Variants in LHFPL3 observed in about 807,000 individuals in gnomAD.
The protein encoded by LHFPL3 is LHFPL tetraspan subfamily member 3.
LHFPL3 carries 5 observed loss-of-function variants against 19.3 expected under a neutral mutation model. That is an observed-to-expected ratio of 0.26 (90% CI 0.14 to 0.54). LHFPL3 has a LOEUF of 0.54. LHFPL3 is among the 20% of genes least tolerant of loss of function. LHFPL3 has a pLI of 0.94. For synonymous variants in LHFPL3, 133 were observed against 126.2 expected, an observed-to-expected ratio of 1.05 and a Z score of -0.36; for missense variants, 249 against 307.4, an observed-to-expected ratio of 0.81 and a Z score of 1.42.
chr7:104,668,242 G>C (rs1298473770), intron 1 of LHFPL3: 1 of 1,612,644 alleles, frequency 6.2e-7, no homozygotes, highest in Middle Eastern at 1.9e-4. Context: ...AGTAACAGGA[G>C]AATTCGAGTG....
intron 1 of LHFPL3, among the ~76,000 whole-genome samples, chr7:104,734,789 G>A (rs901012971): frequency 3.3e-5 from 5 of 152,168 alleles, no homozygotes; most frequent in Admixed American, 6.5e-5. Context: ...AGGAGGAGAG[G>A]TGCTCTGATT....
chr7:104,436,129 T>C (rs62485093), intron 1 of LHFPL3, among the ~76,000 whole-genome samples: 2,137 of 152,272 alleles, frequency 0.014, 24 homozygotes, highest in Non-Finnish European at 0.023. Context: ...AATATGAATG[T>C]GTCACATGTT....
chr7:104,445,437 A>G (rs1792313373), intron 1 of LHFPL3, among the ~76,000 whole-genome samples: 2 of 152,094 alleles, frequency 1.3e-5, no homozygotes, highest in South Asian at 2.1e-4. Context: ...AAGAGTGTCT[A>G]TTTTATAGGG....
At chr7:104,801,529 T>C (rs1308675171) in intron 2 of LHFPL3, among the ~76,000 whole-genome samples, 1 of 152,116 alleles carries the variant, frequency 6.6e-6, no homozygotes, top group Middle Eastern at 3.2e-3. Flanking sequence ...ACCAAAGTTT[T>C]TTGTTGTTTT....
chr7:104,670,926 A>G (rs570278204), intron 1 of LHFPL3, among the ~76,000 whole-genome samples: 63 of 151,896 alleles, frequency 4.1e-4, no homozygotes, highest in Non-Finnish European at 7.5e-4. Context: ...ACTATTTAAC[A>G]AGGTCCTGGT....
At chr7:104,767,250 A>G (rs1164095093) in intron 2 of LHFPL3, among the ~76,000 whole-genome samples, 1 of 152,228 alleles carries the variant, frequency 6.6e-6, no homozygotes, top group Non-Finnish European at 1.5e-5. Flanking sequence ...AGCTCCGGGT[A>G]AGATGGAGCT....
At chr7:104,663,981 T>C (rs891464055) in intron 1 of LHFPL3, among the ~76,000 whole-genome samples, 1 of 152,252 alleles carries the variant, frequency 6.6e-6, no homozygotes, top group Non-Finnish European at 1.5e-5. Flanking sequence ...CAGATCCACC[T>C]GGAAATTATC....
chr7:104,882,758 T>C (rs1032431342), intron 2 of LHFPL3, among the ~76,000 whole-genome samples: 2 of 152,238 alleles, frequency 1.3e-5, no homozygotes, highest in African/African-American at 2.4e-5. Context: ...CCGAATTGTA[T>C]ACTTTTAAGA....
At chr7:104,611,270 C>G (rs1791208905) in intron 1 of LHFPL3, among the ~76,000 whole-genome samples, 2 of 152,216 alleles carry the variant, frequency 1.3e-5, no homozygotes, top group Middle Eastern at 3.4e-3. Flanking sequence ...ATTGTTATCC[C>G]CAGTTTACAA....
chr7:104,739,506 GTAAT>G (rs1251000096), intron 2 of LHFPL3, among the ~76,000 whole-genome samples: 1 of 152,174 alleles, frequency 6.6e-6, no homozygotes, highest in Non-Finnish European at 1.5e-5. Flanking sequence ...TTGAAATTGT[GTAAT>G]TAATTATATA....
intron 1 of LHFPL3, among the ~76,000 whole-genome samples, chr7:104,400,031 G>C (rs570004944): frequency 7.1e-6 from 1 of 140,060 alleles, no homozygotes; most frequent in African/African-American, 2.7e-5. Flanking sequence ...TTGAACCTGG[G>C]AGGCGGAGGT....
intron 2 of LHFPL3, among the ~76,000 whole-genome samples, chr7:104,865,679 A>C (rs982957486): frequency 3.9e-5 from 6 of 152,200 alleles, no homozygotes; most frequent in African/African-American, 1.4e-4. Flanking sequence ...GAATTTCCCC[A>C]ATTTAGCAAG....
At chr7:104,549,439 C>T (rs1273609401) in intron 1 of LHFPL3, among the ~76,000 whole-genome samples, 4 of 136,980 alleles carry the variant, frequency 2.9e-5, no homozygotes, top group Non-Finnish European at 6.1e-5. Flanking sequence ...TGGCACATGC[C>T]CTTAACCCAA....
In LHFPL3 at chr7:104,829,960, A is replaced by G. The variant is rs1407243881; in HGVS notation, c.683-76227A>G. ...ACAGTCCCACCAACAGTGTAAAAGT[A>G]TTCCTATTTCTCCACATCCTCTCCA... is the stretch of plus-strand genomic sequence containing the variant. On this transcript the variant is annotated intron_variant, in intron 2 of 2. Coordinates refer to ENST00000424859, the MANE Select transcript of LHFPL3 (RefSeq NM_199000.3). Among the ~76,000 whole-genome samples, 328 of 151,996 alleles carry G rather than the reference A, an allele frequency of 2.2e-3. 1 individual carries two copies. Among genetic ancestry groups the G allele is most frequent in the Non-Finnish European group, 3.7e-3 (251 of 68,022 alleles).
rs566932173 is a variant in LHFPL3, at chr7:104,579,750, T to C, written c.446-156925T>C. Among the ~76,000 whole-genome samples the C allele has an allele frequency of 1.0e-3, 157 of 152,302 alleles. 1 individual carries two copies. The highest frequency in any genetic ancestry group is 3.5e-3 in the African/African-American group (145 of 41,562). ...AGAAAACTGAGCCCAACCCATAATA[T>C]TACCCTGTCAATCAATACAGTAATT... On this transcript the variant is annotated intron_variant, in intron 1 of 2. Transcript: ENST00000424859.
At chr7:104,885,230 C>A (rs192121056) in intron 2 of LHFPL3, among the ~76,000 whole-genome samples, 1 of 152,218 alleles carries the variant, frequency 6.6e-6, no homozygotes, top group Non-Finnish European at 1.5e-5. Context: ...CTCTTTGGGG[C>A]TCCCAAACCA....
chr7:104,335,150 C>G (rs572689182), intron 1 of LHFPL3, among the ~76,000 whole-genome samples: 1 of 151,876 alleles, frequency 6.6e-6, no homozygotes, highest in Non-Finnish European at 1.5e-5. Flanking sequence ...ACTCAGTGTT[C>G]AGGACAATCA....
At chr7:104,581,570 C>G (rs1790462507) in intron 1 of LHFPL3, among the ~76,000 whole-genome samples, 1 of 151,992 alleles carries the variant, frequency 6.6e-6, no homozygotes, top group Admixed American at 6.6e-5. Flanking sequence ...TTTAAGAAAA[C>G]TTCCCTGCCC....
At chr7:104,773,124 A>G (rs960056950) in intron 2 of LHFPL3, among the ~76,000 whole-genome samples, 1 of 152,168 alleles carries the variant, frequency 6.6e-6, no homozygotes. Context: ...CCTCGTTGTC[A>G]TCCACATTAG....
Sources: gnomAD v4.1 joint callset for allele counts (sites outside exome capture counted in the v4.1 genomes callset) on GRCh38, gnomAD v4.1.1 for gene constraint, MANE v1.5 for transcripts, NCBI Gene and HGNC (gene_info 2026-07-23, HGNC 2026-07-21) for gene names.